ENOX1: variants seen among roughly 807,000 people sequenced by gnomAD.
ENOX1 encodes candidate growth-related and time keeping constitutive hydroquinone (NADH) oxidase.
In ENOX1, 42 loss-of-function variants were observed where a neutral mutation model predicts 82.5. The observed-to-expected ratio is 0.51, with a 90% CI of 0.40 to 0.66. The LOEUF (loss-of-function observed/expected upper bound fraction) is 0.66. Among genes scored for constraint, ENOX1 ranks in the 30% least tolerant of loss-of-function variants. ENOX1 has a pLI of 0.00. For missense variants in ENOX1, 608 were observed against 811.6 expected (o/e 0.75, Z 3.05); for synonymous variants, 271 against 282.2 (o/e 0.96, Z 0.40).
chr13:43,639,560 G>C (rs945743457), intron 2 of ENOX1, among the ~76,000 whole-genome samples: 1 of 152,134 alleles, frequency 6.6e-6, no homozygotes, highest in African/African-American at 2.4e-5. Context: ...TTAGGAGCAG[G>C]CACTTAATTA....
intron 2 of ENOX1, among the ~76,000 whole-genome samples, chr13:43,601,072 C>A (rs191980983): frequency 6.6e-6 from 1 of 152,078 alleles, no homozygotes; most frequent in Non-Finnish European, 1.5e-5. Flanking sequence ...CGGGTACAAA[C>A]AAGCCCAGAC....
chr13:43,372,684 T>G (rs2051322355), intron 5 of ENOX1, among the ~76,000 whole-genome samples: 1 of 152,044 alleles, frequency 6.6e-6, no homozygotes, highest in Non-Finnish European at 1.5e-5. Context: ...ATTAAAATTT[T>G]AAATAGGAAG....
chr13:43,708,926 G>A (rs1273695497), intron 1 of ENOX1, among the ~76,000 whole-genome samples: 1 of 152,072 alleles, frequency 6.6e-6, no homozygotes, highest in Non-Finnish European at 1.5e-5. Context: ...GAAACGGCAA[G>A]CCATAGATTC....
chr13:43,251,307 T>C (rs2043441310), intron 14 of ENOX1, among the ~76,000 whole-genome samples: 1 of 152,210 alleles, frequency 6.6e-6, no homozygotes, highest in African/African-American at 2.4e-5. Flanking sequence ...CACCTGCAGA[T>C]AATATGCAGA....
intron 5 of ENOX1, among the ~76,000 whole-genome samples, chr13:43,369,071 T>C (rs1468305333): frequency 1.3e-5 from 2 of 152,082 alleles, no homozygotes; most frequent in African/African-American, 4.8e-5. Flanking sequence ...AATTTATCCC[T>C]AATATGTTGA....
intron 12 of ENOX1, among the ~76,000 whole-genome samples, chr13:43,279,054 G>T (rs1027026798): frequency 6.6e-6 from 1 of 152,164 alleles, no homozygotes; most frequent in Non-Finnish European, 1.5e-5. Context: ...GACGGGGAGA[G>T]TCATGACCTT....
At chr13:43,286,900 T>A (rs111998976) in intron 12 of ENOX1, among the ~76,000 whole-genome samples, 6 of 152,308 alleles carry the variant, frequency 3.9e-5, no homozygotes, top group South Asian at 2.1e-4. Context: ...CAGTAATATT[T>A]TAGCAATCTA....
intron 2 of ENOX1, among the ~76,000 whole-genome samples, chr13:43,657,126 A>G (rs2084474283): frequency 6.6e-6 from 1 of 152,204 alleles, no homozygotes; most frequent in Non-Finnish European, 1.5e-5. Context: ...ATCTCATAAA[A>G]ACAAAGTTGA....
Position 43,471,898 on chromosome 13 carries a change from C to T in ENOX1, c.-75+12111G>A, listed in dbSNP as rs78913128. Among the ~76,000 whole-genome samples the T allele has an allele frequency of 8.5e-3, 1,283 of 150,890 alleles. 17 individuals carry two copies. Among genetic ancestry groups the T allele is most frequent in the African/African-American group, 0.03 (1,226 of 40,976 alleles). On this transcript the variant is annotated intron_variant, in intron 3 of 16. Transcript: ENST00000690772. Reference sequence around the variant, plus strand: ...ATGGACAGAGGGATAGAATGATGCACAGTGGTGGGTATATGAGTATTTACT... The same window carrying T: ...ATGGACAGAGGGATAGAATGATGCATAGTGGTGGGTATATGAGTATTTACT...
intron 2 of ENOX1, 179 bp downstream of exon 2, chr13:43,667,300 G>C (rs1224458013): frequency 4.6e-6 from 1 of 219,312 alleles, no homozygotes; most frequent in Non-Finnish European, 7.7e-6. Context: ...CAGGTACTTT[G>C]TAAATGCTCC....
At chr13:43,750,613 T>C (rs1317313122) in intron 1 of ENOX1, among the ~76,000 whole-genome samples, 1 of 152,194 alleles carries the variant, frequency 6.6e-6, no homozygotes, top group Non-Finnish European at 1.5e-5. Flanking sequence ...ATCTCTGATC[T>C]GGAACCTTTT....
chr13:43,766,386 C>A (rs1170917089), intron 1 of ENOX1, among the ~76,000 whole-genome samples: 1 of 152,162 alleles, frequency 6.6e-6, no homozygotes, highest in African/African-American at 2.4e-5. Flanking sequence ...TTTCTTGTCA[C>A]AGAGAGAGAA....
chr13:43,252,913 G>C (rs1488829376), intron 14 of ENOX1, among the ~76,000 whole-genome samples: 2 of 152,168 alleles, frequency 1.3e-5, no homozygotes, highest in Non-Finnish European at 2.9e-5. Context: ...GCTGGGAAGA[G>C]TTTTGAGGTT....
At chr13:43,558,590 C>A (rs1363499095) in intron 2 of ENOX1, among the ~76,000 whole-genome samples, 1 of 152,160 alleles carries the variant, frequency 6.6e-6, no homozygotes, top group African/African-American at 2.4e-5. Context: ...GTTGCTCTGG[C>A]AGGCTTTCAT....
intron 12 of ENOX1, among the ~76,000 whole-genome samples, chr13:43,270,943 T>C (rs1393159509): frequency 6.6e-6 from 1 of 152,222 alleles, no homozygotes; most frequent in African/African-American, 2.4e-5. Flanking sequence ...GAGCCCATTT[T>C]GCACTTTGGC....
chr13:43,677,071 C>T (rs1817078313), intron 1 of ENOX1, among the ~76,000 whole-genome samples: 1 of 151,928 alleles, frequency 6.6e-6, no homozygotes, highest in Admixed American at 6.6e-5. Context: ...CCAATCTGCC[C>T]TACAGAACCC....
intron 2 of ENOX1, among the ~76,000 whole-genome samples, chr13:43,521,839 T>C (rs371427924): frequency 3.3e-5 from 5 of 152,280 alleles, no homozygotes; most frequent in East Asian, 3.9e-4. Flanking sequence ...GCTCAGTACA[T>C]GCTTTTTTGA....
intron 14 of ENOX1, among the ~76,000 whole-genome samples, chr13:43,243,104 C>A (rs549396239): frequency 6.9e-6 from 1 of 145,766 alleles, no homozygotes; most frequent in Admixed American, 7.0e-5. Flanking sequence ...CCACTGCACT[C>A]CAGCCTGGGC....
At position 43,366,810 on chromosome 13, in the gene ENOX1, T is replaced by C. The variant is rs139130300; in HGVS notation, c.209-5358A>G. On this transcript the variant is annotated intron_variant, in intron 5 of 16. Transcript: ENST00000690772. ...TATAATATCTGTAAAATGAAGAGAA[T>C]AATATTTACCTTTTAATGTTCTTGT... 2.3e-3 allele frequency among the ~76,000 whole-genome samples: 346 copies of C among 152,344 alleles called. 2 individuals carry two copies. The highest frequency in any genetic ancestry group is 8.0e-3 in the African/African-American group (333 of 41,586).
Sources: gnomAD v4.1 joint callset for allele counts (sites outside exome capture counted in the v4.1 genomes callset) on GRCh38, gnomAD v4.1.1 for gene constraint, MANE v1.5 for transcripts, NCBI Gene and HGNC (gene_info 2026-07-23, HGNC 2026-07-21) for gene names.